The following DGKG variants were observed in gnomAD, a reference collection of about 807,000 sequenced individuals.
DGKG encodes the protein diacylglycerol kinase gamma, also known as DAG kinase gamma.
DGKG carries 78 observed loss-of-function variants against 105.3 expected under a neutral mutation model. The observed-to-expected ratio is 0.74, with a 90% CI of 0.62 to 0.89. DGKG has a LOEUF of 0.89. Ranked by LOEUF, DGKG falls within the 40% of genes least tolerant of loss-of-function variation. The pLI, the probability that DGKG is intolerant of heterozygous loss-of-function variation, is 0.00. For synonymous variants in DGKG, 346 were observed against 367.1 expected (o/e 0.94, Z 0.66); for missense variants, 958 against 1,020.1 (o/e 0.94, Z 0.83).
chr3:186,329,709 C>T (rs1019879926), intron 1 of DGKG, among the ~76,000 whole-genome samples: 2 of 152,354 alleles, frequency 1.3e-5, no homozygotes, highest in East Asian at 1.9e-4. Flanking sequence ...GGCTTTAACT[C>T]CTACTGTTCC....
At chr3:186,247,359 T>G (rs1227989393) in intron 19 of DGKG, among the ~76,000 whole-genome samples, 1 of 151,938 alleles carries the variant, frequency 6.6e-6, no homozygotes, top group East Asian at 1.9e-4. Context: ...CCAAGGGCAC[T>G]GTCTCAGAGG....
chr3:186,189,939 T>C (rs979233853), intron 21 of DGKG, among the ~76,000 whole-genome samples: 4 of 152,198 alleles, frequency 2.6e-5, no homozygotes, highest in Admixed American at 1.3e-4. Context: ...ACCCCCTAGA[T>C]AGATGATGAT....
intron 21 of DGKG, 24 bp downstream of exon 21, chr3:186,211,771 C>A: frequency 6.3e-7 from 1 of 1,580,198 alleles, no homozygotes; most frequent in Non-Finnish European, 8.7e-7. Flanking sequence ...ATCCAGGAAG[C>A]CTTCTCCCCA....
At chr3:186,356,013 G>T (rs938428976) in intron 1 of DGKG, among the ~76,000 whole-genome samples, 1 of 152,134 alleles carries the variant, frequency 6.6e-6, no homozygotes, top group Non-Finnish European at 1.5e-5. Context: ...GGAAGATCAA[G>T]GAAATACCAG....
At chr3:186,334,995 C>A (rs575010551) in intron 1 of DGKG, among the ~76,000 whole-genome samples, 7 of 152,248 alleles carry the variant, frequency 4.6e-5, no homozygotes, top group African/African-American at 1.4e-4. Context: ...AACACCACAG[C>A]TTGATGGGGT....
intron 2 of DGKG, among the ~76,000 whole-genome samples, chr3:186,319,564 A>G (rs764378516): frequency 2.0e-5 from 3 of 152,232 alleles, no homozygotes; most frequent in Non-Finnish European, 4.4e-5. Flanking sequence ...GGCATGGAGC[A>G]GGCAGTGCAG....
chr3:186,311,182 T>G (rs1724523968), intron 2 of DGKG, among the ~76,000 whole-genome samples: 1 of 152,200 alleles, frequency 6.6e-6, no homozygotes, highest in Admixed American at 6.5e-5. Context: ...CAGGACACAG[T>G]ATAATTTAAA....
chr3:186,330,323 T>A (rs1488093904), intron 1 of DGKG, among the ~76,000 whole-genome samples: 1 of 152,238 alleles, frequency 6.6e-6, no homozygotes, highest in African/African-American at 2.4e-5. Flanking sequence ...GTAAGTTACA[T>A]AAGTTGCTTG....
intron 19 of DGKG, among the ~76,000 whole-genome samples, chr3:186,246,808 A>G (rs1438556115): frequency 1.3e-5 from 2 of 152,198 alleles, no homozygotes; most frequent in African/African-American, 4.8e-5. Context: ...ACGATCTGCA[A>G]GGTGGAAAAC....
At chr3:186,167,976 G>C (rs1363011993) in intron 22 of DGKG, among the ~76,000 whole-genome samples, 1 of 152,130 alleles carries the variant, frequency 6.6e-6, no homozygotes, top group Non-Finnish European at 1.5e-5. Flanking sequence ...GATTCTGCTG[G>C]GGCAAAGTAC....
At chr3:186,191,709 C>T (rs537025694) in intron 21 of DGKG, among the ~76,000 whole-genome samples, 2 of 152,356 alleles carry the variant, frequency 1.3e-5, no homozygotes, top group East Asian at 3.9e-4. Flanking sequence ...TTCAGTTAGC[C>T]TGAAGCCAGG....
rs1486906621 is a variant in DGKG, at chr3:186,298,053, G to T, written c.310+11C>A. On this transcript the variant is annotated intron_variant, in intron 4 of 24. Transcript: ENST00000265022. ...GCAAGGTCTTCCCATCTTGGGGAAA[G>T]CTCTGTGTACCTGCGCTGTTGGCCT... 6.3e-7 allele frequency: 1 copy of T among 1,598,470 alleles called. No homozygotes were observed.
chr3:186,331,076 A>G (rs1486401109), intron 1 of DGKG, among the ~76,000 whole-genome samples: 2 of 152,366 alleles, frequency 1.3e-5, no homozygotes, highest in Non-Finnish European at 2.9e-5. Flanking sequence ...AATACCTTCG[A>G]TGCAAATATG....
chr3:186,227,973 C>A (rs1271076498), intron 20 of DGKG, among the ~76,000 whole-genome samples: 2 of 152,050 alleles, frequency 1.3e-5, no homozygotes, highest in Admixed American at 1.3e-4. Flanking sequence ...TAGTAAAGTA[C>A]AATAGAAGGC....
At chr3:186,167,391 T>C (rs1173516619) in intron 22 of DGKG, among the ~76,000 whole-genome samples, 1 of 152,214 alleles carries the variant, frequency 6.6e-6, no homozygotes, top group South Asian at 2.1e-4. Flanking sequence ...CCCAAAGTTA[T>C]AAGACCACAA....
Position 186,207,442 on chromosome 3 carries a change from C to T in DGKG, c.1917+4353G>A, listed in dbSNP as rs575482367. 2.9e-5 allele frequency: 29 copies of T among 985,302 alleles called. 1 individual carries two copies. The South Asian group carries it at 1.3e-3, about 45-fold the overall frequency. The allele number at this position is 985,302 out of a possible 1,614,324, so 61.0% of individuals were successfully genotyped here. ...TTCTTACCTTCTCTCAGCCTGTGTC[C>T]CCCTTCTCTGGAAAGGTGATTATGA... On this transcript the variant is annotated intron_variant, in intron 21 of 24. Transcript: ENST00000265022.
At chr3:186,351,533 A>G (rs1463386483) in intron 1 of DGKG, among the ~76,000 whole-genome samples, 1 of 152,208 alleles carries the variant, frequency 6.6e-6, no homozygotes, top group African/African-American at 2.4e-5. Context: ...TGAAAATTAG[A>G]GAACTACTGG....
chr3:186,204,862 T>C (rs1316337832), intron 21 of DGKG, among the ~76,000 whole-genome samples: 5 of 152,202 alleles, frequency 3.3e-5, no homozygotes, highest in African/African-American at 7.2e-5. Context: ...CCAAAGTGGC[T>C]TACCACTGAT....
Position 186,284,592 on chromosome 3 carries a change from C to T in DGKG, c.594+68G>A. On this transcript the variant is annotated intron_variant, in intron 7 of 24. Transcript: ENST00000265022. The surrounding 1 kb of genome is among the most constrained non-coding windows in gnomAD (Gnocchi z 4.0). ...CGGAACTGAACATTTTCAGATTCTTCCTCTGCTTGCTCCCTGCTCCCCCAG... is the reference window on the plus strand; with the variant it reads ...CGGAACTGAACATTTTCAGATTCTTTCTCTGCTTGCTCCCTGCTCCCCCAG... 2 of 1,334,170 alleles carry T rather than the reference C, an allele frequency of 1.5e-6. No homozygotes were observed. The highest frequency in any genetic ancestry group is 2.4e-5 in the South Asian group (2 of 85,014). 82.6% of individuals were successfully genotyped at this position (1,334,170 alleles called of 1,614,324 possible). A position where few individuals can be genotyped will look rare whatever the true frequency, so the allele number is the denominator to read the frequency against.
Sources: allele counts gnomAD v4.1 joint callset (sites outside exome capture counted in the v4.1 genomes callset), GRCh38; gene constraint gnomAD v4.1.1; non-coding constraint Gnocchi (gnomAD v3.1); transcripts MANE v1.5; gene names NCBI Gene and HGNC (gene_info 2026-07-23, HGNC 2026-07-21).